UNC5A: variants seen among roughly 807,000 people sequenced by gnomAD.
The protein encoded by UNC5A is netrin receptor UNC5A.
A neutral mutation model predicts 87.4 loss-of-function variants in UNC5A; 20 were observed. The observed-to-expected ratio is 0.23, with a 90% CI of 0.16 to 0.33. The LOEUF is 0.33. Ranked by LOEUF, UNC5A falls within the 10% of genes least tolerant of loss-of-function variation. The pLI is 1.00. For synonymous variants in UNC5A, 438 were observed against 482.3 expected (o/e 0.91, Z 1.20); for missense variants, 844 against 1,133.4 (o/e 0.74, Z 3.67).
At chr5:176,823,776 G>C (rs1756786687) in intron 1 of UNC5A, among the ~76,000 whole-genome samples, 1 of 152,022 alleles carries the variant, frequency 6.6e-6, no homozygotes, top group African/African-American at 2.4e-5. Context: ...ATACTGACTT[G>C]GACTCCTCTC....
rs561599609 is a variant in UNC5A at position 176,868,989 on chromosome 5, C to T, written c.721+25C>T. 3 of 1,575,310 alleles carry T rather than the reference C, an allele frequency of 1.9e-6. No individual in the cohort carries two copies. The Admixed American group carries it at 5.2e-5, about 27-fold the overall frequency. ...GGTGGGCCCCGGGACTCCCTGGTCA[C>T]AGGGAGAGGCACTGCGGTGCCCCTG... On this transcript the variant is annotated intron_variant, in intron 5 of 14. Transcript: ENST00000329542.
intron 1 of UNC5A, among the ~76,000 whole-genome samples, chr5:176,843,173 AAAGAAAG>A (rs1421415636): frequency 3.6e-5 from 5 of 137,284 alleles, no homozygotes; most frequent in Non-Finnish European, 7.5e-5. Context: ...AAAAAAAAAA[AAAGAAAG>A]AAAGAAAGAA....
At position 176,851,910 on chromosome 5, in the gene UNC5A, A is replaced by C. The variant is rs1757552444; in HGVS notation, c.71-10714A>C. On this transcript the variant is annotated intron_variant, in intron 1 of 14. Coordinates refer to ENST00000329542, the MANE Select transcript of UNC5A (RefSeq NM_133369.3). ...AGCTACTCTAAGTAGAGTTACCTCC[A>C]TCCGTGGGCAGTCGGGTGATCTGCC... Among the ~76,000 whole-genome samples, 3 of 152,164 alleles carry C rather than the reference A, an allele frequency of 2.0e-5. No homozygotes were observed. The South Asian group carries it at 6.2e-4, about 31-fold the overall frequency.
chr5:176,872,378 C>CG (rs1398911236), intron 6 of UNC5A, among the ~76,000 whole-genome samples: 2 of 18,828 alleles, frequency 1.1e-4, no homozygotes, highest in South Asian at 1.9e-3. Flanking sequence ...TGCCCACACT[C>CG]ACCAACACCA....
chr5:176,826,339 AAGGGTAGAAGCCATGGG>A (rs1756852361), intron 1 of UNC5A, among the ~76,000 whole-genome samples: 1 of 152,230 alleles, frequency 6.6e-6, no homozygotes, highest in African/African-American at 2.4e-5. Flanking sequence ...GGACAGGGGC[AAGGGTAGAAGCCATGGG>A]AGGGCGCAGG....
intron 6 of UNC5A, 147 bp downstream of exon 6, chr5:176,870,681 T>G: frequency 1.1e-6 from 1 of 917,584 alleles, no homozygotes; most frequent in South Asian, 1.8e-5. Flanking sequence ...CCCTCATCCT[T>G]AGCATACCTG....
Position 176,879,355 on chromosome 5 carries a change from G to T in UNC5A, c.2230G>T (p.Val744Phe). Residue 744 changes from valine (V) to phenylalanine (F), a missense_variant, in exon 14 of 15, where the codon GTC (valine) becomes TTC (phenylalanine). Physicochemically the swap from Val to Phe is conservative, Grantham distance 50 (BLOSUM62 -1). Around this residue, in one of 3 missense-constraint regions of UNC5A, gnomAD observed 177 missense variants for 279.4 expected, o/e 0.63. Coordinates refer to ENST00000329542, the MANE Select transcript of UNC5A (RefSeq NM_133369.3). Reference protein sequence around the residue: ...ELLALESEAGVPALVGPSAFK... With the variant: ...ELLALESEAGFPALVGPSAFK... ...GCTGGCTCTGGAGAGTGAAGCGGGG[G>T]TCCCAGCCCTGGTGGGCCCCAGTGC... 1 of 1,612,448 alleles carries T rather than the reference G, an allele frequency of 6.2e-7. No individual in the cohort carries two copies. The highest frequency in any genetic ancestry group is 8.5e-7 in the Non-Finnish European group (1 of 1,179,518).
chr5:176,877,516 C>A lies in UNC5A; in HGVS notation c.1467-19C>A. ...GCCACTGACACCTTTCCCTCCCCAC[C>A]CATATTTCCCCACTTGAGGTTGCCC... On this transcript the variant is annotated intron_variant, in intron 9 of 14. Coordinates refer to ENST00000329542, the MANE Select transcript of UNC5A (RefSeq NM_133369.3). 6.4e-7 allele frequency: 1 copy of A among 1,569,626 alleles called. No homozygotes were observed. Among genetic ancestry groups the A allele is most frequent in the African/African-American group, 1.3e-5 (1 of 74,250 alleles).
Position 176,810,929 on chromosome 5 carries a change from C to T in UNC5A, c.70+109C>T. ...CGCTGCCAGACCCGGCTGGGAGCCC[C>T]CCGAGGCCAAACTTTGCGAGGCGGG... is the stretch of plus-strand genomic sequence containing the variant. On this transcript the variant is annotated intron_variant, in intron 1 of 14. Transcript: ENST00000329542. The surrounding 1 kb of genome is among the most constrained non-coding windows in gnomAD (Gnocchi z 7.3). 9.8e-7 allele frequency: 1 copy of T among 1,015,598 alleles called. No homozygotes were observed. Among genetic ancestry groups the T allele is most frequent in the Non-Finnish European group, 1.2e-6 (1 of 817,808 alleles). 62.9% of individuals were successfully genotyped at this position (1,015,598 alleles called of 1,614,324 possible). A position where few individuals can be genotyped will look rare whatever the true frequency, so the allele number is the denominator to read the frequency against.
Position 176,865,089 on chromosome 5 carries a change from T to G in UNC5A, c.292+2244T>G. On this transcript the variant is annotated intron_variant, in intron 2 of 14. Transcript: ENST00000329542. This position sits in a 1 kb window ranked among gnomAD's most constrained non-coding sequence, Gnocchi z 5.3. ...AGATTGGTCGGGGGAAGCCATGAAA[T>G]CTCACGTGCCCAGTCAGGACCCAGC... is the stretch of plus-strand genomic sequence containing the variant. The G allele has an allele frequency of 3.0e-6, 1 of 332,376 alleles. No individual in the cohort carries two copies. The highest frequency in any genetic ancestry group is 2.2e-5 in the South Asian group (1 of 45,544). The allele number at this position is 332,376 out of a possible 1,614,324, so 20.6% of individuals were successfully genotyped here.
rs374542872 is a variant in UNC5A at position 176,872,549 on chromosome 5, CG to C, written c.887-1418del. 8.6e-3 allele frequency among the ~76,000 whole-genome samples: 74 copies of C among 8,588 alleles called. 5 individuals carry two copies. The highest frequency in any genetic ancestry group is 0.036 in the African/African-American group (65 of 1,814). The allele number at this position is 8,588 out of a possible 152,430, so 5.6% of individuals were successfully genotyped here. On this transcript the variant is annotated intron_variant, in intron 6 of 14. Coordinates refer to ENST00000329542, the MANE Select transcript of UNC5A (RefSeq NM_133369.3). Reference sequence around the variant, plus strand: ...CCACAGCTTCCCATCTGCCCACACTCGCCCAACACCACAGCTTCCCATCTGC... The same window carrying C: ...CCACAGCTTCCCATCTGCCCACACTCCCCAACACCACAGCTTCCCATCTGC...
intron 1 of UNC5A, among the ~76,000 whole-genome samples, chr5:176,849,286 A>T (rs774881110): frequency 1.3e-5 from 2 of 151,756 alleles, no homozygotes. Context: ...TCCCTTGGGG[A>T]AAAAAAAATC....
intron 1 of UNC5A, among the ~76,000 whole-genome samples, chr5:176,859,493 A>AATG (rs1353348657): frequency 9.8e-6 from 1 of 102,292 alleles, no homozygotes; most frequent in African/African-American, 3.1e-5. Flanking sequence ...TAGCTGCTAG[A>AATG]ATGCCCTTGC....
Position 176,844,223 on chromosome 5 carries a change from C to G in UNC5A, c.71-18401C>G, listed in dbSNP as rs988148009. 2.0e-5 allele frequency among the ~76,000 whole-genome samples: 3 copies of G among 152,178 alleles called. No individual in the cohort carries two copies. The highest frequency in any genetic ancestry group is 2.9e-5 in the Non-Finnish European group (2 of 68,026). On this transcript the variant is annotated intron_variant, in intron 1 of 14. Transcript: ENST00000329542. The surrounding 1 kb of genome is among the most constrained non-coding windows in gnomAD (Gnocchi z 4.2). ...ACAGATCAGAGGCCCCAGGCCTTGC[C>G]TGATCCTCAGGACAGAGCTGGAGAG... is the stretch of plus-strand genomic sequence containing the variant.
intron 1 of UNC5A, among the ~76,000 whole-genome samples, chr5:176,831,885 C>CTCTTTTT (rs1561644956): frequency 2.5e-4 from 7 of 27,664 alleles, no homozygotes; most frequent in African/African-American, 4.2e-4. Flanking sequence ...TTCTCTCTCT[C>CTCTTTTT]TTTTTTTTTT....
At chr5:176,818,605 G>A (rs989279463) in intron 1 of UNC5A, among the ~76,000 whole-genome samples, 1 of 152,198 alleles carries the variant, frequency 6.6e-6, no homozygotes, top group Non-Finnish European at 1.5e-5. Context: ...ACCGCAGGAA[G>A]TGGCAGAGCT....
At chr5:176,820,286 A>G (rs929241529) in intron 1 of UNC5A, among the ~76,000 whole-genome samples, 97 of 152,282 alleles carry the variant, frequency 6.4e-4, no homozygotes, top group African/African-American at 2.2e-3. Context: ...AGTCCCAGCT[A>G]CTTGGGAGGC....
In UNC5A at chr5:176,840,685, C is replaced by A. The variant is rs151200662; in HGVS notation, c.71-21939C>A. Among the ~76,000 whole-genome samples, 1,487 of 152,328 alleles carry A rather than the reference C, an allele frequency of 9.8e-3. 19 individuals are homozygous for A. The highest frequency in any genetic ancestry group is 0.032 in the African/African-American group (1,318 of 41,580). ...CAGGACAAAAGGGGGCCTCTCCCCCCCTGGCCCAGGCGTCCCTGGTGCCCA... is the reference window on the plus strand; with the variant it reads ...CAGGACAAAAGGGGGCCTCTCCCCCACTGGCCCAGGCGTCCCTGGTGCCCA... On this transcript the variant is annotated intron_variant, in intron 1 of 14. Transcript: ENST00000329542.
In UNC5A at chr5:176,870,462, C is replaced by T. The variant is rs770216699; in HGVS notation, c.814C>T (p.Arg272Cys). Reference sequence around the variant, plus strand: ...CCGTGAGTGCTCTGACCCAGCACCCCGCAACGGAGGGGAGGAGTGCCAGGG... The same window carrying T: ...CCGTGAGTGCTCTGACCCAGCACCCTGCAACGGAGGGGAGGAGTGCCAGGG... ...RSRECSDPAP[R>C]NGGEECQGTD... Residue 272 changes from arginine (R) to cysteine (C), a missense_variant, in exon 6 of 15, where the codon CGC becomes TGC. Physicochemically the swap from Arg to Cys is radical, Grantham distance 180. This residue lies in a region of UNC5A where 314 missense variants were observed against 466.5 expected (regional missense o/e 0.67). Coordinates refer to ENST00000329542, the MANE Select transcript of UNC5A (RefSeq NM_133369.3). 1.2e-6 allele frequency: 2 copies of T among 1,611,358 alleles called. No homozygotes were observed. Among genetic ancestry groups the T allele is most frequent in the South Asian group, 1.1e-5 (1 of 90,990 alleles).
Sources: gnomAD v4.1 joint callset for allele counts (sites outside exome capture counted in the v4.1 genomes callset) on GRCh38, gnomAD v4.1.1 for gene constraint, gnomAD v4.1.1 regional missense constraint, Gnocchi (gnomAD v3.1) non-coding constraint, MANE v1.5 for transcripts, NCBI Gene and HGNC (gene_info 2026-07-23, HGNC 2026-07-21) for gene names.